Variants in RNF39 observed in about 807,000 individuals in gnomAD.
RNF39 encodes LTP (long-term potentiation) induced RING finger protein.
Under a neutral mutation model 29.2 loss-of-function variants are expected in RNF39, and 25 were observed. The ratio of observed to expected loss-of-function variants is 0.86; its 90% CI spans 0.62 to 1.20. The LOEUF (loss-of-function observed/expected upper bound fraction) is 1.20, where lower values mean the gene tolerates loss of function less well. RNF39 is among the 50% of genes most tolerant of loss of function. The pLI is 0.00. For synonymous variants in RNF39, 219 were observed against 229.0 expected (o/e 0.96, Z 0.40); for missense variants, 519 against 515.0 (o/e 1.01, Z -0.08).
Position 30,073,172 on chromosome 6 carries a change from G to A in RNF39, c.463C>T (p.Leu155Phe), listed in dbSNP as rs1361526154. Residue 155 changes from leucine (L) to phenylalanine (F), a missense_variant, in exon 3 of 4, where the codon CTT becomes TTT. Physicochemically the swap from Leu to Phe is conservative, Grantham distance 22 (BLOSUM62 0). Transcript: ENST00000244360. ...CTTTCCTTACCTGTCAGTCTATGAAGCATTTTTTTGACCACTGGATAATCT... is the reference window on the plus strand; with the variant it reads ...CTTTCCTTACCTGTCAGTCTATGAAACATTTTTTTGACCACTGGATAATCT... ...PEDYPVVKKM[L>F]HRLTADLTLD... 2.5e-6 allele frequency: 4 copies of A among 1,602,862 alleles called. No individual in the cohort carries two copies. The highest frequency in any genetic ancestry group is 3.4e-6 in the Non-Finnish European group (4 of 1,169,896).
chr6:30,070,490 C>G lies in RNF39; in HGVS notation c.*621G>C. On this transcript the variant is annotated 3_prime_UTR_variant, in exon 4 of 4. Coordinates refer to ENST00000244360, the MANE Select transcript of RNF39 (RefSeq NM_025236.4). Reference sequence around the variant, plus strand: ...CGTGAGTATGTGCGGGGAGAAGTTTCAAGAAGGTTCTTATGGAAAAAAGGC... The same window carrying G: ...CGTGAGTATGTGCGGGGAGAAGTTTGAAGAAGGTTCTTATGGAAAAAAGGC... 1 of 249,436 alleles carries G rather than the reference C, an allele frequency of 4.0e-6. No individual in the cohort carries two copies. The highest frequency in any genetic ancestry group is 8.0e-6 in the Non-Finnish European group (1 of 124,836). The allele number at this position is 249,436 out of a possible 1,614,324, so 15.5% of individuals were successfully genotyped here. A position where few individuals can be genotyped will look rare whatever the true frequency, so the allele number is the denominator to read the frequency against.
intron 2 of RNF39, 82 bp downstream of exon 2, chr6:30,073,374 G>A (rs373027674): frequency 1.9e-6 from 3 of 1,591,716 alleles, no homozygotes; most frequent in African/African-American, 2.7e-5. Context: ...CCTATTAATG[G>A]GAACAAAGGT....
rs548060528 is a variant in RNF39 at position 30,071,501 on chromosome 6, C to T, written c.669G>A (p.Ala223=). The T allele has an allele frequency of 5.8e-6, 9 of 1,550,594 alleles. No individual in the cohort carries two copies. The Admixed American group carries it at 7.6e-5, about 13-fold the overall frequency. The change falls in exon 4 of 4, where the codon GCG becomes GCA. Residue 223 remains alanine (A), a synonymous_variant. Transcript: ENST00000244360. The surrounding 1 kb of genome is among the most constrained non-coding windows in gnomAD (Gnocchi z 5.0). ...AGRHCWEVET[A]DAASCRDSSG... The stretch of plus-strand genomic sequence containing the variant: ...AAGAGTCTCTGCAGGAGGCGGCGTC[C>T]GCAGTCTCCACCTCCCAGCAGTGGC...
rs769983175 is a variant in RNF39 at position 30,071,577 on chromosome 6, C to T, written c.593G>A (p.Arg198His). The change falls in exon 4 of 4, where the codon CGC (arginine) becomes CAC (histidine). Residue 198 changes from arginine (R) to histidine (H), a missense_variant. Physicochemically the swap from Arg to His is conservative, Grantham distance 29. Coordinates refer to ENST00000244360, the MANE Select transcript of RNF39 (RefSeq NM_025236.4). The surrounding 1 kb of genome is among the most constrained non-coding windows in gnomAD (Gnocchi z 5.0). ...GTPAPPDGPK[R>H]FDQLPAVLGA... ...CAGCACAGCTGGGAGCTGATCGAAG[C>T]GCTTGGGGCCGTCAGGGGGCGCGGG... is the stretch of plus-strand genomic sequence containing the variant. 2 of 1,479,612 alleles carry T rather than the reference C, an allele frequency of 1.4e-6. No individual in the cohort carries two copies. Among genetic ancestry groups the T allele is most frequent in the Non-Finnish European group, 1.8e-6 (2 of 1,121,244 alleles). 91.7% of individuals were successfully genotyped at this position (1,479,612 alleles called of 1,614,324 possible).
In RNF39 at chr6:30,072,232, C is replaced by G. The variant is rs1262781072; in HGVS notation, c.479-541G>C. On this transcript the variant is annotated intron_variant, in intron 3 of 3. Transcript: ENST00000244360. The surrounding 1 kb of genome is among the most constrained non-coding windows in gnomAD (Gnocchi z 4.5). ...GGAATTGGGGGGTGGGGTGGACAGT[C>G]CTATTTCTGTAGGGGTTGTGGGGCA... Among the ~76,000 whole-genome samples the G allele has an allele frequency of 2.6e-5, 4 of 151,984 alleles. No homozygotes were observed. The highest frequency in any genetic ancestry group is 4.2e-4 in the South Asian group (2 of 4,816).
chr6:30,075,083 C>T (rs1766297825), intron 1 of RNF39, 140 bp downstream of exon 1: 1 of 887,038 alleles, frequency 1.1e-6, no homozygotes, highest in Non-Finnish European at 1.7e-6. Context: ...GTCCTCGCCC[C>T]CTCATCCTTT....
Position 30,071,475 on chromosome 6 carries a change from G to T in RNF39, c.695C>A (p.Ser232Tyr). 1 of 1,571,426 alleles carries T rather than the reference G, an allele frequency of 6.4e-7. No individual in the cohort carries two copies. ...CTCCTCGTCGTCCGCATCCTCCCCA[G>T]AAGAGTCTCTGCAGGAGGCGGCGTC... ...TADAASCRDS[S>Y]GEDADDEESH... The change falls in exon 4 of 4, where the codon TCT becomes TAT. Residue 232 changes from serine to tyrosine, a missense_variant. Coordinates refer to ENST00000244360, the MANE Select transcript of RNF39 (RefSeq NM_025236.4). The surrounding 1 kb of genome is among the most constrained non-coding windows in gnomAD (Gnocchi z 5.0).
At position 30,071,395 on chromosome 6, in the gene RNF39, T is replaced by A; in HGVS notation, c.775A>T (p.Arg259Trp). ...GESVQRKGCV[R>W]LCPAGAVWAV... ...CACACGGCCCCCGCAGGGCACAGCC[T>A]TACGCAGCCCTTGCGTTGCACTGAT... Residue 259 changes from arginine (R) to tryptophan (W), a missense_variant, in exon 4 of 4, where the codon AGG becomes TGG. Coordinates refer to ENST00000244360, the MANE Select transcript of RNF39 (RefSeq NM_025236.4). The surrounding 1 kb of genome is among the most constrained non-coding windows in gnomAD (Gnocchi z 5.0). 1 of 1,486,428 alleles carries A rather than the reference T, an allele frequency of 6.7e-7. No homozygotes were observed. Among genetic ancestry groups the A allele is most frequent in the Non-Finnish European group, 8.9e-7 (1 of 1,127,640 alleles). The allele number at this position is 1,486,428 out of a possible 1,614,324, so 92.1% of individuals were successfully genotyped here.
Position 30,075,263 on chromosome 6 carries a change from C to G in RNF39, c.323G>C (p.Gly108Ala), listed in dbSNP as rs747738150. The G allele has an allele frequency of 6.3e-7, 1 of 1,599,072 alleles. No individual in the cohort carries two copies. The highest frequency in any genetic ancestry group is 1.7e-5 in the Admixed American group (1 of 59,374). ...CAGGCAGCCCATGGTGGGGATGCGC[C>G]CCCCTCGGCGTCTCCCCGCACGGGC... The part of the protein sequence containing the change: ...PGARAGRRRG[G>A]RIPTMGCLDL... Residue 108 changes from glycine to alanine, a missense_variant, in exon 1 of 4, where the codon GGG becomes GCG. Physicochemically the swap from Gly to Ala is moderately conservative, Grantham distance 60. Transcript: ENST00000244360.
In RNF39 at chr6:30,072,673, C is replaced by T. The variant is rs1766085593; in HGVS notation, c.478+484G>A. On this transcript the variant is annotated intron_variant, in intron 3 of 3. Coordinates refer to ENST00000244360, the MANE Select transcript of RNF39 (RefSeq NM_025236.4). This position sits in a 1 kb window ranked among gnomAD's most constrained non-coding sequence, Gnocchi z 4.5. The stretch of plus-strand genomic sequence containing the variant: ...TGTGCCCTCCCCCACTCCACACACA[C>T]ACACAAAGATAGGTTGAAGTCCTCC... 6.6e-6 allele frequency among the ~76,000 whole-genome samples: 1 copy of T among 152,140 alleles called. No homozygotes were observed. The highest frequency in any genetic ancestry group is 2.4e-5 in the African/African-American group (1 of 41,386).
rs1170718160 is a variant in RNF39, at chr6:30,072,211, T to C, written c.479-520A>G. Reference sequence around the variant, plus strand: ...AAACCAGCCCACCCACCCACAGGAATTGGGGGGTGGGGTGGACAGTCCTAT... The same window carrying C: ...AAACCAGCCCACCCACCCACAGGAACTGGGGGGTGGGGTGGACAGTCCTAT... On this transcript the variant is annotated intron_variant, in intron 3 of 3. Coordinates refer to ENST00000244360, the MANE Select transcript of RNF39 (RefSeq NM_025236.4). This position sits in a 1 kb window ranked among gnomAD's most constrained non-coding sequence, Gnocchi z 4.5. 6.6e-6 allele frequency among the ~76,000 whole-genome samples: 1 copy of C among 151,734 alleles called. No individual in the cohort carries two copies. Among genetic ancestry groups the C allele is most frequent in the African/African-American group, 2.4e-5 (1 of 41,286 alleles).
Position 30,071,992 on chromosome 6 carries a change from T to C in RNF39, c.479-301A>G, listed in dbSNP as rs371080856. Among the ~76,000 whole-genome samples the C allele has an allele frequency of 2.5e-4, 38 of 151,576 alleles. 1 individual carries two copies. In the East Asian group the frequency reaches 3.5e-3, roughly 14 times the overall value. ...ATGAGAGGTTGTCTCGTTTGTGGGG[T>C]TGGGGGAGGAAGAGTGAGGCTGATC... On this transcript the variant is annotated intron_variant, in intron 3 of 3. Coordinates refer to ENST00000244360, the MANE Select transcript of RNF39 (RefSeq NM_025236.4). This position sits in a 1 kb window ranked among gnomAD's most constrained non-coding sequence, Gnocchi z 5.0.
At position 30,075,667 on chromosome 6, in the gene RNF39, G is replaced by A; in HGVS notation, c.-82C>T. 1 of 1,613,742 alleles carries A rather than the reference G, an allele frequency of 6.2e-7. No individual in the cohort carries two copies. The highest frequency in any genetic ancestry group is 8.5e-7 in the Non-Finnish European group (1 of 1,180,010). ...GCGCAGATGGCGGGCCGCCCCTGCT[G>A]CTTGCTGTGTAGATGCCCTTCTCTC... is the stretch of plus-strand genomic sequence containing the variant. On this transcript the variant is annotated 5_prime_UTR_variant, in exon 1 of 4. Transcript: ENST00000244360.
At chr6:30,075,145 C>A in intron 1 of RNF39, 78 bp downstream of exon 1, 1 of 1,424,318 alleles carries the variant, frequency 7.0e-7, no homozygotes, top group South Asian at 1.3e-5. Context: ...GGGCCTCCGG[C>A]TCCAGACGTG....
In RNF39 at chr6:30,074,638, A is replaced by C. The variant is rs935809710; in HGVS notation, c.363+585T>G. On this transcript the variant is annotated intron_variant, in intron 1 of 3. Coordinates refer to ENST00000244360, the MANE Select transcript of RNF39 (RefSeq NM_025236.4). This position sits in a 1 kb window ranked among gnomAD's most constrained non-coding sequence, Gnocchi z 4.1. ...CTACGGGGAGGTTTGGATATGCCCC[A>C]ACCCCTTGCTCCCTTCCTCCATCCT... Among the ~76,000 whole-genome samples the C allele has an allele frequency of 1.3e-5, 2 of 151,800 alleles. No homozygotes were observed. Among genetic ancestry groups the C allele is most frequent in the African/African-American group, 4.8e-5 (2 of 41,308 alleles).
intron 1 of RNF39, 26 bp downstream of exon 1, chr6:30,075,197 A>G: frequency 3.2e-6 from 5 of 1,547,534 alleles, no homozygotes; most frequent in Non-Finnish European, 4.3e-6. Flanking sequence ...TCCACCAACA[A>G]CTCCGCGACG....
At chr6:30,075,064 G>A (rs1338637336) in intron 1 of RNF39, among the ~76,000 whole-genome samples, 159 bp downstream of exon 1, 2 of 152,132 alleles carry the variant, frequency 1.3e-5, no homozygotes, top group African/African-American at 4.8e-5. Context: ...CTCACCTTGA[G>A]GACCCAGGGT....
In RNF39 at chr6:30,071,295, G is replaced by A. The variant is rs776965364; in HGVS notation, c.875C>T (p.Pro292Leu). 6.0e-6 allele frequency: 9 copies of A among 1,501,446 alleles called. No homozygotes were observed. The highest frequency in any genetic ancestry group is 2.7e-5 in the South Asian group (2 of 73,256). The allele number at this position is 1,501,446 out of a possible 1,614,324, so 93.0% of individuals were successfully genotyped here. A position where few individuals can be genotyped will look rare whatever the true frequency, so the allele number is the denominator to read the frequency against. Residue 292 changes from proline to leucine, a missense_variant, in exon 4 of 4, where the codon CCC (proline) becomes CTC (leucine). Pro to Leu is a moderately conservative substitution (Grantham distance 98). Transcript: ENST00000244360. This position sits in a 1 kb window ranked among gnomAD's most constrained non-coding sequence, Gnocchi z 5.0. ...GTCCACGCGAATGCGCCGCGGCGGG[G>A]GCTCAACACCGCCCAGCAGGGTGGG... ...PEPTLLGGVE[P>L]PPRRIRVDLD... is the part of the protein sequence containing the mutation.
rs370352315 is a variant in RNF39, at chr6:30,075,210, C to A, written c.363+13G>T. On this transcript the variant is annotated intron_variant, in intron 1 of 3. Coordinates refer to ENST00000244360, the MANE Select transcript of RNF39 (RefSeq NM_025236.4). ...CTTCCACCAACAACTCCGCGACGCG[C>A]GCCCAGCCTCACCTCTCCGGGCAGG... 450 of 1,569,426 alleles carry A rather than the reference C, an allele frequency of 2.9e-4. 36 individuals are homozygous for A. Among genetic ancestry groups the A allele is most frequent in the East Asian group, 2.1e-3 (90 of 42,866 alleles).
Sources: gnomAD v4.1 joint callset for allele counts (sites outside exome capture counted in the v4.1 genomes callset) on GRCh38, gnomAD v4.1.1 for gene constraint, Gnocchi (gnomAD v3.1) non-coding constraint, MANE v1.5 for transcripts, NCBI Gene and HGNC (gene_info 2026-07-23, HGNC 2026-07-21) for gene names.